The following TSNARE1 variants were observed in gnomAD, a reference collection of about 807,000 sequenced individuals.
The protein encoded by TSNARE1 is t-SNARE domain-containing protein 1.
Under a neutral mutation model 62.0 loss-of-function variants are expected in TSNARE1, and 49 were observed. The ratio of observed to expected loss-of-function variants is 0.79; its 90% CI spans 0.63 to 1.00. The LOEUF is 1.00. TSNARE1 is among the 50% of genes least tolerant of loss of function. The pLI is 0.00. For missense variants in TSNARE1, 755 were observed against 700.1 expected, an observed-to-expected ratio of 1.08 and a Z score of -0.88; for synonymous variants, 328 against 294.4, an observed-to-expected ratio of 1.11 and a Z score of -1.17.
At chr8:142,330,120 T>C (rs916236043) in intron 6 of TSNARE1, among the ~76,000 whole-genome samples, 1 of 152,212 alleles carries the variant, frequency 6.6e-6, no homozygotes, top group Non-Finnish European at 1.5e-5. Flanking sequence ...CTGGGGTCCT[T>C]GGAGCTGCGG....
chr8:142,359,738 T>C (rs1406891309), intron 1 of TSNARE1, among the ~76,000 whole-genome samples: 2 of 150,274 alleles, frequency 1.3e-5, no homozygotes, highest in African/African-American at 2.5e-5. Flanking sequence ...CTCACGACAC[T>C]TGTGAGGCAG....
intron 11 of TSNARE1, among the ~76,000 whole-genome samples, chr8:142,282,132 G>A (rs955109503): frequency 1.3e-5 from 2 of 152,218 alleles, no homozygotes; most frequent in South Asian, 4.1e-4. Flanking sequence ...GGCTTGCGGT[G>A]CAGCCCCTCT....
intron 12 of TSNARE1, among the ~76,000 whole-genome samples, chr8:142,248,994 C>T (rs1208358103): frequency 1.3e-5 from 2 of 152,234 alleles, no homozygotes; most frequent in Non-Finnish European, 2.9e-5. Context: ...AGCCCTGTGG[C>T]CTTGGGCAGG....
chr8:142,376,660 G>C (rs1193952269), intron 1 of TSNARE1, among the ~76,000 whole-genome samples: 2 of 152,230 alleles, frequency 1.3e-5, no homozygotes, highest in Non-Finnish European at 1.5e-5. Context: ...AGCCTGAATG[G>C]ACTGAGAAGC....
At chr8:142,253,530 GGGC>G (rs1272700864) in intron 12 of TSNARE1, among the ~76,000 whole-genome samples, 8 of 147,554 alleles carry the variant, frequency 5.4e-5, no homozygotes, top group Non-Finnish European at 1.2e-4. Flanking sequence ...CACTGCAGTA[GGGC>G]GGTCACCCCC....
At chr8:142,238,935 G>C (rs1368437424) in intron 12 of TSNARE1, among the ~76,000 whole-genome samples, 2 of 152,132 alleles carry the variant, frequency 1.3e-5, no homozygotes, top group Non-Finnish European at 2.9e-5. Context: ...AGCCAGGGGA[G>C]GTGTTGCTAG....
intron 9 of TSNARE1, among the ~76,000 whole-genome samples, chr8:142,311,158 T>G (rs1204426644): frequency 6.6e-6 from 1 of 150,898 alleles, no homozygotes. Flanking sequence ...CCAAGGGTGG[T>G]TGTTTTTTTT....
chr8:142,292,059 G>A (rs547142374), intron 10 of TSNARE1, among the ~76,000 whole-genome samples: 51 of 152,030 alleles, frequency 3.4e-4, no homozygotes, highest in African/African-American at 1.2e-3. Context: ...CCGGGGTCCT[G>A]GCAGCATCCT....
intron 11 of TSNARE1, among the ~76,000 whole-genome samples, chr8:142,283,649 G>T (rs1479003168): frequency 1.3e-5 from 2 of 148,204 alleles, no homozygotes; most frequent in African/African-American, 5.1e-5. Flanking sequence ...CAGAGGCAGG[G>T]CCAGTGTCTG....
intron 1 of TSNARE1, among the ~76,000 whole-genome samples, chr8:142,383,782 T>C (rs1279304176): frequency 6.6e-6 from 1 of 152,098 alleles, no homozygotes; most frequent in East Asian, 1.9e-4. Context: ...ACGTACATAT[T>C]TTTCCTATTT....
intron 6 of TSNARE1, among the ~76,000 whole-genome samples, chr8:142,327,733 A>C (rs1484895614): frequency 6.6e-6 from 1 of 152,192 alleles, no homozygotes; most frequent in Admixed American, 6.5e-5. Context: ...CCCATGAAAG[A>C]GCTGCCAAGC....
intron 12 of TSNARE1, among the ~76,000 whole-genome samples, chr8:142,230,555 C>T (rs1018563303): frequency 1.3e-5 from 2 of 152,002 alleles, no homozygotes; most frequent in Non-Finnish European, 2.9e-5. Context: ...GGAAGACTAA[C>T]GTGTCCATGA....
Position 142,274,772 on chromosome 8 carries a change from C to G in TSNARE1, c.1446+9G>C. The G allele has an allele frequency of 6.5e-7, 1 of 1,550,202 alleles. No individual in the cohort carries two copies. Among genetic ancestry groups the G allele is most frequent in the Non-Finnish European group, 8.7e-7 (1 of 1,148,702 alleles). On this transcript the variant is annotated intron_variant, in intron 12 of 13. Transcript: ENST00000524325. ...CCGGCCGGGCACTGTGGCCCTCACACGGACTTACTTGGTGCCGGCTGGCTC... is the reference window on the plus strand; with the variant it reads ...CCGGCCGGGCACTGTGGCCCTCACAGGGACTTACTTGGTGCCGGCTGGCTC...
chr8:142,361,421 G>T (rs1474968987), intron 1 of TSNARE1, among the ~76,000 whole-genome samples: 3 of 152,184 alleles, frequency 2.0e-5, no homozygotes, highest in Non-Finnish European at 2.9e-5. Context: ...GGGCTGAGCC[G>T]CCAACCAGGA....
chr8:142,321,085 A>G (rs2131773677), intron 6 of TSNARE1, among the ~76,000 whole-genome samples: 1 of 152,306 alleles, frequency 6.6e-6, no homozygotes, highest in African/African-American at 2.4e-5. Context: ...TGCCAAGTCC[A>G]TCGTGGGAAC....
rs1005017077 is a variant in TSNARE1 at position 142,318,583 on chromosome 8, G to A, written c.945C>T (p.Ser315=). 10 of 1,613,602 alleles carry A rather than the reference G, an allele frequency of 6.2e-6. No homozygotes were observed. The highest frequency in any genetic ancestry group is 4.0e-5 in the African/African-American group (3 of 74,906). ...GCAGCAGCTCGGCCATCTGCTTCACGGAGCTGGCGCTGGCTGCAATGGTCT... is the reference window on the plus strand; with the variant it reads ...GCAGCAGCTCGGCCATCTGCTTCACAGAGCTGGCGCTGGCTGCAATGGTCT... ...TNKTIAASAS[S]VKQMAELLRS... Residue 315 remains serine (S), a synonymous_variant, in exon 7 of 14, where the codon TCC becomes TCT. Transcript: ENST00000524325.
At chr8:142,352,460 G>C (rs892804035) in intron 2 of TSNARE1, among the ~76,000 whole-genome samples, 1 of 152,240 alleles carries the variant, frequency 6.6e-6, no homozygotes, top group Non-Finnish European at 1.5e-5. Context: ...GCCCAGGAAC[G>C]CCACGCCCCG....
At chr8:142,343,438 C>T (rs932675399) in intron 4 of TSNARE1, among the ~76,000 whole-genome samples, 1 of 151,808 alleles carries the variant, frequency 6.6e-6, no homozygotes, top group African/African-American at 2.4e-5. Flanking sequence ...GCCTGATTCT[C>T]GGTGTGTGTG....
rs117465834 is a variant in TSNARE1 at position 142,318,768 on chromosome 8, G to A, written c.894-134C>T. On this transcript the variant is annotated intron_variant, in intron 6 of 13. Transcript: ENST00000524325. ...AGAGACAGATGGATGGACAGGCGGA[G>A]AGAGGGCCGAGAGACACACAGAGAC... is the stretch of plus-strand genomic sequence containing the variant. The A allele has an allele frequency of 3.9e-5, 28 of 716,384 alleles. No homozygotes were observed. The East Asian group carries it at 7.5e-4, about 19-fold the overall frequency. The allele number at this position is 716,384 out of a possible 1,614,324, so 44.4% of individuals were successfully genotyped here. A position where few individuals can be genotyped will look rare whatever the true frequency, so the allele number is the denominator to read the frequency against.
Sources: allele counts gnomAD v4.1 joint callset (sites outside exome capture counted in the v4.1 genomes callset), GRCh38; gene constraint gnomAD v4.1.1; transcripts MANE v1.5; gene names NCBI Gene and HGNC (gene_info 2026-07-23, HGNC 2026-07-21).